The following RYR2 variants were observed in gnomAD, a reference collection of about 807,000 sequenced individuals.
The protein encoded by RYR2 is cardiac muscle ryanodine receptor-calcium release channel.
Under a neutral mutation model 601.1 loss-of-function variants are expected in RYR2, and 227 were observed. The ratio of observed to expected loss-of-function variants is 0.38; its 90% confidence interval spans 0.34 to 0.42. The LOEUF (loss-of-function observed/expected upper bound fraction) is 0.42. RYR2 is among the 10% of genes least tolerant of loss of function. The probability of loss-of-function intolerance (pLI) is 1.00; values close to 1 mark genes in which losing one functional copy is unlikely to be tolerated. For synonymous variants in RYR2, 2,223 were observed against 2,175.1 expected (o/e 1.02, Z -0.61); for missense variants, 4,646 against 6,156.5 (o/e 0.75, Z 8.21).
chr1:237,115,043 G>T (rs1165282271), intron 1 of RYR2, among the ~76,000 whole-genome samples: 1 of 152,140 alleles, frequency 6.6e-6, no homozygotes, highest in African/African-American at 2.4e-5. Context: ...GGTCCAAATT[G>T]CAAGGAGGAG....
intron 10 of RYR2, among the ~76,000 whole-genome samples, chr1:237,392,038 A>AT (rs1314687664): frequency 7.2e-5 from 11 of 152,132 alleles, no homozygotes; most frequent in Non-Finnish European, 1.5e-4. Context: ...ACAACAACAA[A>AT]AATAGTAAAA....
intron 1 of RYR2, among the ~76,000 whole-genome samples, chr1:237,093,149 A>G (rs533642668): frequency 2.0e-5 from 3 of 152,278 alleles, no homozygotes; most frequent in African/African-American, 7.2e-5. Context: ...AATTAACCCA[A>G]ATTTAAATAC....
intron 80 of RYR2, among the ~76,000 whole-genome samples, chr1:237,751,727 A>G (rs530769882): frequency 5.6e-4 from 85 of 152,274 alleles, no homozygotes; most frequent in African/African-American, 2.0e-3. Flanking sequence ...CTTTGATACC[A>G]TTTTTACAGA....
intron 37 of RYR2, among the ~76,000 whole-genome samples, chr1:237,615,687 A>T (rs982948360): frequency 6.6e-6 from 1 of 152,182 alleles, no homozygotes; most frequent in Non-Finnish European, 1.5e-5. Flanking sequence ...CTTAGGGGAA[A>T]CACAAGTGAA....
chr1:237,775,580 A>G (rs888822826), intron 87 of RYR2, among the ~76,000 whole-genome samples: 2 of 152,148 alleles, frequency 1.3e-5, no homozygotes, highest in African/African-American at 4.8e-5. Context: ...TCTACTAACT[A>G]TAGAAAGTTA....
intron 1 of RYR2, among the ~76,000 whole-genome samples, chr1:237,063,125 A>G (rs1245030342): frequency 6.6e-6 from 1 of 151,876 alleles, no homozygotes; most frequent in Non-Finnish European, 1.5e-5. Context: ...GAGATGAGAG[A>G]GCTCTCTTGC....
intron 11 of RYR2, among the ~76,000 whole-genome samples, chr1:237,421,129 C>T (rs957229264): frequency 6.6e-6 from 1 of 152,142 alleles, no homozygotes; most frequent in Admixed American, 6.5e-5. Flanking sequence ...GTCCTGGCTA[C>T]TCGGGAGGCT....
chr1:237,427,748 A>G (rs537668198), intron 12 of RYR2, among the ~76,000 whole-genome samples: 1 of 133,002 alleles, frequency 7.5e-6, no homozygotes, highest in South Asian at 2.3e-4. Flanking sequence ...GTGCCACTGC[A>G]CTCCAGCCTG....
At chr1:237,389,245 A>C (rs562406928) in intron 10 of RYR2, among the ~76,000 whole-genome samples, 1 of 152,348 alleles carries the variant, frequency 6.6e-6, no homozygotes, top group East Asian at 1.9e-4. Context: ...ACAGAAATAT[A>C]AACTTAAGAA....
At chr1:237,303,327 T>A (rs1327687270) in intron 2 of RYR2, among the ~76,000 whole-genome samples, 4 of 127,478 alleles carry the variant, frequency 3.1e-5, no homozygotes, top group Non-Finnish European at 6.3e-5. Flanking sequence ...TGAGACAGAG[T>A]CTTGCTCTAT....
intron 3 of RYR2, among the ~76,000 whole-genome samples, chr1:237,354,709 CTAA>C (rs1699147046): frequency 5.3e-5 from 8 of 152,156 alleles, no homozygotes; most frequent in Admixed American, 5.2e-4. Flanking sequence ...TCAGCTTTAT[CTAA>C]CAAGAAAATA....
chr1:237,133,209 T>C (rs1320596651), intron 1 of RYR2, among the ~76,000 whole-genome samples: 1 of 152,006 alleles, frequency 6.6e-6, no homozygotes, highest in East Asian at 1.9e-4. Context: ...CTGTGGGGGC[T>C]GTACTTAGTA....
At chr1:237,225,631 T>A (rs1684281736) in intron 1 of RYR2, among the ~76,000 whole-genome samples, 1 of 152,140 alleles carries the variant, frequency 6.6e-6, no homozygotes, top group Admixed American at 6.5e-5. Context: ...TCACCACCTA[T>A]TTCTAGGTTT....
intron 6 of RYR2, among the ~76,000 whole-genome samples, chr1:237,371,492 T>C (rs576628681): frequency 1.3e-5 from 2 of 152,346 alleles, no homozygotes; most frequent in African/African-American, 4.8e-5. Flanking sequence ...CATAAGCATT[T>C]TCCATGTTGT....
chr1:237,128,522 G>T (rs964709789), intron 1 of RYR2, among the ~76,000 whole-genome samples: 1 of 152,208 alleles, frequency 6.6e-6, no homozygotes, highest in African/African-American at 2.4e-5. Context: ...GGAGTGAGTG[G>T]TAAGAGATCA....
chr1:237,831,367 G>A (rs1219381672), intron 103 of RYR2, 147 bp from the exon 104 acceptor site: 3 of 572,546 alleles, frequency 5.2e-6, no homozygotes, highest in Non-Finnish European at 9.2e-6. Flanking sequence ...CCTCTTTCTG[G>A]TACACTAATT....
At chr1:237,453,839 G>A (rs1197749230) in intron 14 of RYR2, among the ~76,000 whole-genome samples, 3 of 152,020 alleles carry the variant, frequency 2.0e-5, no homozygotes, top group African/African-American at 7.3e-5. Context: ...ATTTTTGTTA[G>A]TATAACTTTT....
Position 237,180,067 on chromosome 1 carries a change from C to T in RYR2, c.49-90430C>T, listed in dbSNP as rs184484783. 4.5e-4 allele frequency among the ~76,000 whole-genome samples: 68 copies of T among 152,072 alleles called. No individual in the cohort carries two copies. The highest frequency in any genetic ancestry group is 1.4e-3 in the African/African-American group (57 of 41,392). ...CTGGGTATATTGTTGATGGGAGACC[C>T]GACTTACTGAGCCATGTCCGTGTCG... On this transcript the variant is annotated intron_variant, in intron 1 of 104. Coordinates refer to ENST00000366574, the MANE Select transcript of RYR2 (RefSeq NM_001035.3). The surrounding 1 kb of genome is among the most constrained non-coding windows in gnomAD (Gnocchi z 5.3).
Position 237,784,703 on chromosome 1 carries a change from T to C in RYR2, c.12991T>C (p.Leu4331=), listed in dbSNP as rs1327823442. Residue 4331 remains leucine, a synonymous_variant, in exon 90 of 105, where the codon TTA becomes CTA. Transcript: ENST00000366574. The surrounding 1 kb of genome is among the most constrained non-coding windows in gnomAD (Gnocchi z 7.1). ...GAKKIKVAEL[L]ANMPDPTQDE... is the part of the protein sequence containing the mutation. ...TAAAAAGATCAAAGTTGCAGAACTGTTAGCCAACATGCCAGACCCCACTCA... is the reference window on the plus strand; with the variant it reads ...TAAAAAGATCAAAGTTGCAGAACTGCTAGCCAACATGCCAGACCCCACTCA... The C allele has an allele frequency of 1.9e-6, 3 of 1,608,728 alleles. No individual in the cohort carries two copies. The East Asian group carries it at 6.7e-5, about 36-fold the overall frequency.
Sources: allele counts gnomAD v4.1 joint callset (sites outside exome capture counted in the v4.1 genomes callset), GRCh38; gene constraint gnomAD v4.1.1; non-coding constraint Gnocchi (gnomAD v3.1); transcripts MANE v1.5; gene names NCBI Gene and HGNC (gene_info 2026-07-23, HGNC 2026-07-21).